Variants in DPH6 observed in about 807,000 individuals in gnomAD.
DPH6 encodes diphthine--ammonia ligase.
DPH6 carries 33 observed loss-of-function variants against 38.2 expected under a neutral mutation model. The observed-to-expected ratio is 0.86, with a 90% CI of 0.65 to 1.15. DPH6 has a LOEUF of 1.15. Ranked by LOEUF, DPH6 falls within the 50% of genes most tolerant of loss-of-function variation. DPH6 has a pLI of 0.00. For synonymous variants in DPH6, 108 were observed against 103.0 expected, an observed-to-expected ratio of 1.05 and a Z score of -0.30; for missense variants, 325 against 320.0, an observed-to-expected ratio of 1.02 and a Z score of -0.12.
the DPH6 span, among the ~76,000 whole-genome samples, chr15:35,191,972 A>G: frequency 7.9e-5 from 12 of 152,180 alleles, no homozygotes; most frequent in East Asian, 1.7e-3. Flanking sequence ...ACCTGAATAA[A>G]GCCTTCTTCC....
intron 4 of DPH6, among the ~76,000 whole-genome samples, chr15:35,451,231 C>T (rs893281585): frequency 1.3e-5 from 2 of 151,894 alleles, no homozygotes; most frequent in African/African-American, 4.8e-5. Context: ...TTCTTATCTA[C>T]TAACTTTGAA....
chr15:35,314,694 A>G (rs1482892626), intron 3 of DPH6, among the ~76,000 whole-genome samples: 1 of 152,226 alleles, frequency 6.6e-6, no homozygotes, highest in Non-Finnish European at 1.5e-5. Flanking sequence ...TTCTATGGTC[A>G]TTTGGTATTT....
chr15:35,173,660 A>G, the DPH6 span, among the ~76,000 whole-genome samples: 1 of 151,752 alleles, frequency 6.6e-6, no homozygotes, highest in East Asian at 1.9e-4. Flanking sequence ...TCCTGTATCT[A>G]CTTCAACCAG....
At chr15:35,265,105 CA>C (rs1312679605) in intron 3 of DPH6, among the ~76,000 whole-genome samples, 1 of 151,902 alleles carries the variant, frequency 6.6e-6, no homozygotes, top group African/African-American at 2.4e-5. Context: ...GAAAAATAAC[CA>C]CACAAGCTAG....
chr15:35,373,945 T>G (rs182761791), intron 7 of DPH6, among the ~76,000 whole-genome samples: 387 of 152,114 alleles, frequency 2.5e-3, no homozygotes, highest in Non-Finnish European at 4.6e-3. Flanking sequence ...GGCTAAGCAT[T>G]AAACATTAGT....
Position 35,372,176 on chromosome 15 carries a change from T to A in DPH6, c.778A>T (p.Thr260Ser), listed in dbSNP as rs1358557705. 3 of 1,524,220 alleles carry A rather than the reference T, an allele frequency of 2.0e-6. No individual in the cohort carries two copies. Among genetic ancestry groups the A allele is most frequent in the African/African-American group, 1.4e-5 (1 of 70,554 alleles). 94.4% of individuals were successfully genotyped at this position (1,524,220 alleles called of 1,614,324 possible). Residue 260 changes from threonine to serine, a missense_variant, in exon 9 of 9, where the codon ACA (threonine) becomes TCA (serine). Thr to Ser is a moderately conservative substitution (Grantham distance 58). Coordinates refer to ENST00000256538, the MANE Select transcript of DPH6 (RefSeq NM_080650.4). ...CAAAAATTATATATATAATTAGATG[T>A]TCTGTAGTTGTCAGGCACTGAGGAC... ...KVSSVPDNYRTSNYIYNF is the reference protein window; with the variant it reads ...KVSSVPDNYRSSNYIYNF
At chr15:35,403,822 CTTTT>C (rs550585754) in intron 6 of DPH6, among the ~76,000 whole-genome samples, 1 of 142,002 alleles carries the variant, frequency 7.0e-6, no homozygotes, top group African/African-American at 2.6e-5. Context: ...TCATTCATTC[CTTTT>C]TTTTTTTTTT....
intron 3 of DPH6, among the ~76,000 whole-genome samples, chr15:35,303,011 T>C (rs897574172): frequency 3.3e-5 from 5 of 152,138 alleles, no homozygotes; most frequent in Non-Finnish European, 4.4e-5. Context: ...TTTCTCCATA[T>C]TGGGGCAAGT....
chr15:35,326,610 A>G, downstream of DPH6, among the ~76,000 whole-genome samples: 2 of 151,972 alleles, frequency 1.3e-5, no homozygotes, highest in South Asian at 4.2e-4. Context: ...TTTTAAAAAA[A>G]TTTTTTGTAG....
At chr15:35,425,360 T>C (rs549996529) in intron 5 of DPH6, among the ~76,000 whole-genome samples, 1 of 151,784 alleles carries the variant, frequency 6.6e-6, no homozygotes, top group South Asian at 2.1e-4. Flanking sequence ...AACTGTTACA[T>C]ATTATCATGA....
At chr15:35,469,903 A>T (rs1427778009) in intron 3 of DPH6, among the ~76,000 whole-genome samples, 1 of 152,186 alleles carries the variant, frequency 6.6e-6, no homozygotes, top group Non-Finnish European at 1.5e-5. Context: ...GAGTCTTAAA[A>T]GAAAACTAGG....
intron 3 of DPH6, among the ~76,000 whole-genome samples, chr15:35,346,539 G>A (rs2052463490): frequency 6.6e-6 from 1 of 152,114 alleles, no homozygotes; most frequent in African/African-American, 2.4e-5. Flanking sequence ...AGTATTGCCA[G>A]AGATTGAGGA....
chr15:35,391,235 G>T (rs1263696054), intron 6 of DPH6, among the ~76,000 whole-genome samples: 7 of 152,274 alleles, frequency 4.6e-5, no homozygotes, highest in Admixed American at 3.9e-4. Flanking sequence ...GGCTGTGCGA[G>T]GTGTCAGTCC....
intron 3 of DPH6, among the ~76,000 whole-genome samples, chr15:35,233,071 G>T (rs977235361): frequency 6.6e-6 from 1 of 152,200 alleles, no homozygotes; most frequent in African/African-American, 2.4e-5. Flanking sequence ...ATTTTGGGAG[G>T]CTGCGGTGGG....
the DPH6 span, among the ~76,000 whole-genome samples, chr15:35,195,653 T>TA: frequency 6.6e-6 from 1 of 152,114 alleles, no homozygotes; most frequent in Non-Finnish European, 1.5e-5. Flanking sequence ...CACAGACAAT[T>TA]AAAGTATTTA....
chr15:35,246,403 T>C (rs1005159947), intron 3 of DPH6, among the ~76,000 whole-genome samples: 3 of 152,224 alleles, frequency 2.0e-5, no homozygotes, highest in African/African-American at 7.2e-5. Flanking sequence ...TTACGGAGGA[T>C]GACACATCCA....
Position 35,275,064 on chromosome 15 carries a change from G to A in DPH6, n.201-54482C>T, listed in dbSNP as rs372003673. 1.8e-3 allele frequency among the ~76,000 whole-genome samples: 276 copies of A among 152,022 alleles called. 6 individuals carry two copies. The Middle Eastern group carries it at 0.027, about 15-fold the overall frequency. ...TGAGTAGCTGGGACTACAGGTGCCC[G>A]CCACCACGCCTGGCTAATTTTTTTG... On this transcript the variant is annotated intron_variant and non_coding_transcript_variant, in intron 3 of 3. Coordinates refer to the DPH6 transcript ENST00000560386.
chr15:35,327,560 T>C (rs1164174271), downstream of DPH6, among the ~76,000 whole-genome samples: 2 of 152,090 alleles, frequency 1.3e-5, no homozygotes, highest in East Asian at 3.9e-4. Flanking sequence ...TTAGCCAGGA[T>C]GGTCTCTATC....
the DPH6 span, among the ~76,000 whole-genome samples, chr15:35,192,402 C>T: frequency 6.6e-6 from 1 of 152,158 alleles, no homozygotes; most frequent in Admixed American, 6.5e-5. Flanking sequence ...CTACCTTATC[C>T]TTTGACCCTA....
Sources: gnomAD v4.1 joint callset for allele counts (sites outside exome capture counted in the v4.1 genomes callset) on GRCh38, gnomAD v4.1.1 for gene constraint, MANE v1.5 for transcripts, NCBI Gene and HGNC (gene_info 2026-07-23, HGNC 2026-07-21) for gene names.